Variants in TECPR2 observed in about 807,000 individuals in gnomAD.
TECPR2 encodes the protein tectonin beta-propeller repeat containing 2.
Under a neutral mutation model 138.1 loss-of-function variants are expected in TECPR2, and 65 were observed. That is an observed-to-expected ratio of 0.47 (90% CI 0.39 to 0.58). The LOEUF is 0.58. Ranked by LOEUF, TECPR2 falls within the 20% of genes least tolerant of loss-of-function variation. The pLI is 0.00. For synonymous variants in TECPR2, 746 were observed against 749.8 expected, an observed-to-expected ratio of 0.99 and a Z score of 0.08; for missense variants, 1,553 against 1,824.5, an observed-to-expected ratio of 0.85 and a Z score of 2.71.
Position 102,438,211 on chromosome 14 carries a change from C to CCTCCCCG in TECPR2, c.2578+12_2578+18dup. On this transcript the variant is annotated splice_region_variant and intron_variant, in intron 10 of 19. Coordinates refer to ENST00000359520, the MANE Select transcript of TECPR2 (RefSeq NM_014844.5). Reference sequence around the variant, plus strand: ...GGTGGCAGTCTCGCCCTCAGGTTCGCCTCCCCGCTCCCTGCTCCCGCTCCC... The same window carrying CCTCCCCG: ...GGTGGCAGTCTCGCCCTCAGGTTCGCCTCCCCGCTCCCCGCTCCCTGCTCCCGCTCCC... 2 of 1,598,446 alleles carry CCTCCCCG rather than the reference C, an allele frequency of 1.3e-6. No homozygotes were observed. Among genetic ancestry groups the CCTCCCCG allele is most frequent in the Non-Finnish European group, 1.7e-6 (2 of 1,176,752 alleles).
chr14:102,460,787 C>T (rs913126786), intron 16 of TECPR2, among the ~76,000 whole-genome samples: 4 of 151,620 alleles, frequency 2.6e-5, no homozygotes, highest in Non-Finnish European at 5.9e-5. Context: ...CTCCACCTCC[C>T]AGCTTCACGC....
At chr14:102,480,578 G>C (rs914707588) in intron 17 of TECPR2, among the ~76,000 whole-genome samples, 48 of 151,954 alleles carry the variant, frequency 3.2e-4, no homozygotes, top group East Asian at 3.1e-3. Flanking sequence ...GAAGTGCAGT[G>C]GTGCGATCAT....
At chr14:102,465,102 A>G in intron 16 of TECPR2, 39 bp from the exon 17 acceptor site, 1 of 1,603,680 alleles carries the variant, frequency 6.2e-7, no homozygotes, top group East Asian at 2.2e-5. Flanking sequence ...GTCATTGTAC[A>G]AAAGTAATTA....
intron 1 of TECPR2, among the ~76,000 whole-genome samples, chr14:102,367,778 C>T (rs1266402463): frequency 6.6e-6 from 1 of 152,104 alleles, no homozygotes. Context: ...AGGAATAGAA[C>T]TTCTGGGTCA....
rs1373391148 is a variant in TECPR2 at position 102,497,059 on chromosome 14, G to C, written c.3870G>C (p.Val1290=). 6.2e-7 allele frequency: 1 copy of C among 1,613,824 alleles called. No homozygotes were observed. Among genetic ancestry groups the C allele is most frequent in the Non-Finnish European group, 8.5e-7 (1 of 1,180,028 alleles). ...GGGTGCTTGACAGCAGGTGGAACGT[G>C]CACGTGCGGACCGGGATCACCGAGG... ...MLWVLDSRWN[V]HVRTGITEEM... is the part of the protein sequence containing the mutation. Residue 1290 remains valine (V), a synonymous_variant, in exon 18 of 20, where the codon GTG becomes GTC. Coordinates refer to ENST00000359520, the MANE Select transcript of TECPR2 (RefSeq NM_014844.5).
At chr14:102,449,534 A>T in intron 13 of TECPR2, 95 bp from the exon 14 acceptor site, 1 of 1,530,706 alleles carries the variant, frequency 6.5e-7, no homozygotes, top group Middle Eastern at 2.4e-4. Context: ...AGAAATGCAG[A>T]GGTGTGGACC....
At chr14:102,456,590 CTTT>C (rs532308547) in intron 16 of TECPR2, among the ~76,000 whole-genome samples, 25 of 138,150 alleles carry the variant, frequency 1.8e-4, no homozygotes, top group Non-Finnish European at 2.8e-4. Context: ...CCCTCTCGCT[CTTT>C]TTTTTTTTTT....
rs1039822010 is a variant in TECPR2, at chr14:102,498,362, A to G, written c.*105A>G. The G allele has an allele frequency of 3.9e-5, 53 of 1,367,428 alleles. No homozygotes were observed. The highest frequency in any genetic ancestry group is 5.2e-5 in the Non-Finnish European group (53 of 1,026,806). The allele number at this position is 1,367,428 out of a possible 1,614,324, so 84.7% of individuals were successfully genotyped here. ...GCGCTGCCTCAACACTTGTCCAGAC[A>G]CCTCTGGCCAGGTTGGACCCGCACA... On this transcript the variant is annotated 3_prime_UTR_variant, in exon 20 of 20. Coordinates refer to ENST00000359520, the MANE Select transcript of TECPR2 (RefSeq NM_014844.5).
At position 102,499,697 on chromosome 14, in the gene TECPR2, C is replaced by T. The variant is rs1160679282; in HGVS notation, c.*1440C>T. 4 of 173,488 alleles carry T rather than the reference C, an allele frequency of 2.3e-5. No individual in the cohort carries two copies. Among genetic ancestry groups the T allele is most frequent in the South Asian group, 1.4e-4 (1 of 7,344 alleles). 10.7% of individuals were successfully genotyped at this position (173,488 alleles called of 1,614,324 possible). On this transcript the variant is annotated 3_prime_UTR_variant, in exon 20 of 20. Coordinates refer to ENST00000359520, the MANE Select transcript of TECPR2 (RefSeq NM_014844.5). The stretch of plus-strand genomic sequence containing the variant: ...GGCTAGGCCGCCCTGCCACACATCC[C>T]GCCCCCTCCCGGAGGCAGCTTCAGG...
intron 4 of TECPR2, 92 bp downstream of exon 4, chr14:102,408,711 C>G: frequency 7.7e-7 from 1 of 1,299,540 alleles, no homozygotes; most frequent in Non-Finnish European, 1.0e-6. Context: ...AACTTGTATT[C>G]TTGATCATCA....
chr14:102,491,856 A>G (rs1891167383), intron 17 of TECPR2, among the ~76,000 whole-genome samples: 1 of 152,214 alleles, frequency 6.6e-6, no homozygotes, highest in South Asian at 2.1e-4. Context: ...GGGTGGGCAG[A>G]AACAAGTGTT....
At chr14:102,478,380 CA>C (rs201347778) in intron 17 of TECPR2, among the ~76,000 whole-genome samples, 45 of 146,494 alleles carry the variant, frequency 3.1e-4, no homozygotes, top group African/African-American at 8.5e-4. Context: ...TTAAAGTGTA[CA>C]AAAAAAAAAT....
rs373173535 is a variant in TECPR2 at position 102,443,701 on chromosome 14, C to T, written c.2807C>T (p.Pro936Leu). 1.6e-4 allele frequency: 250 copies of T among 1,612,212 alleles called. No individual in the cohort carries two copies. Among genetic ancestry groups the T allele is most frequent in the Non-Finnish European group, 1.8e-4 (218 of 1,178,732 alleles). ...ARAVKVDCPY[P>L]LSQITARNNV... ...GCCGTAAAGGTGGACTGTCCCTACCCGCTGTCCCAGATCACAGCCCGGAAC... is the reference window on the plus strand; with the variant it reads ...GCCGTAAAGGTGGACTGTCCCTACCTGCTGTCCCAGATCACAGCCCGGAAC... The change falls in exon 12 of 20, where the codon CCG (proline) becomes CTG (leucine). Residue 936 changes from proline (P) to leucine (L), a missense_variant. By Grantham distance (98) the Pro-to-Leu change is moderately conservative. Coordinates refer to ENST00000359520, the MANE Select transcript of TECPR2 (RefSeq NM_014844.5). The surrounding 1 kb of genome is among the most constrained non-coding windows in gnomAD (Gnocchi z 4.9).
chr14:102,476,712 A>G (rs534611977), intron 17 of TECPR2, among the ~76,000 whole-genome samples: 97 of 152,230 alleles, frequency 6.4e-4, no homozygotes, highest in Non-Finnish European at 1.1e-3. Context: ...TGATGAAATA[A>G]TTATGCTGAG....
intron 17 of TECPR2, among the ~76,000 whole-genome samples, chr14:102,469,962 C>G (rs1406474638): frequency 6.6e-6 from 1 of 151,990 alleles, no homozygotes; most frequent in Non-Finnish European, 1.5e-5. Context: ...GATGTGAAAT[C>G]CTTTGTATGT....
intron 2 of TECPR2, among the ~76,000 whole-genome samples, chr14:102,401,040 A>C (rs1000428131): frequency 1.3e-5 from 2 of 151,986 alleles, no homozygotes; most frequent in African/African-American, 4.8e-5. Flanking sequence ...GCAAAAAAAA[A>C]GGAACAAAAT....
At position 102,379,649 on chromosome 14, in the gene TECPR2, TCACCATCTTAAAATCCATG is replaced by T. The variant is rs1887740405; in HGVS notation, c.219+2713_219+2731del. On this transcript the variant is annotated intron_variant, in intron 2 of 19. Transcript: ENST00000359520. The stretch of plus-strand genomic sequence containing the variant: ...GGCACCCTAGTCACACTGCTGAAGA[TCACCATCTTAAAATCCATG>T]CACAGAGGCATCTTAGTCACACTGC... Among the ~76,000 whole-genome samples, 7 of 145,186 alleles carry T rather than the reference TCACCATCTTAAAATCCATG, an allele frequency of 4.8e-5. No individual in the cohort carries two copies. In the South Asian group the frequency reaches 1.6e-3, roughly 33 times the overall value.
intron 17 of TECPR2, among the ~76,000 whole-genome samples, chr14:102,469,754 A>G (rs767574149): frequency 1.3e-5 from 2 of 152,114 alleles, no homozygotes; most frequent in African/African-American, 2.4e-5. Flanking sequence ...CCTAGAAGGA[A>G]TTCTAGGAGT....
intron 2 of TECPR2, among the ~76,000 whole-genome samples, chr14:102,380,359 C>T (rs1044382462): frequency 2.6e-5 from 4 of 152,222 alleles, no homozygotes; most frequent in African/African-American, 7.2e-5. Context: ...TGTATTAGCC[C>T]GTTCTCATGC....
Sources: allele counts gnomAD v4.1 joint callset (sites outside exome capture counted in the v4.1 genomes callset), GRCh38; gene constraint gnomAD v4.1.1; non-coding constraint Gnocchi (gnomAD v3.1); transcripts MANE v1.5; gene names NCBI Gene and HGNC (gene_info 2026-07-23, HGNC 2026-07-21).